The following AIG1 variants were observed in gnomAD, a reference collection of about 807,000 sequenced individuals.
AIG1 encodes androgen induced 1, also known as androgen-induced gene 1 protein.
AIG1 carries 23 observed loss-of-function variants against 31.4 expected under a neutral mutation model. The observed-to-expected ratio is 0.73, with a 90% CI of 0.53 to 1.04. AIG1 has a LOEUF of 1.04. Among genes scored for constraint, AIG1 ranks in the 50% least tolerant of loss-of-function variants. The pLI is 0.00. For missense variants in AIG1, 274 were observed against 295.0 expected (o/e 0.93, Z 0.52); for synonymous variants, 100 against 110.5 (o/e 0.90, Z 0.60).
At chr6:143,136,387 ATTCAGACAGTCCTCACCCTTTTGT>A (rs1400284615) in intron 1 of AIG1, among the ~76,000 whole-genome samples, 2 of 152,194 alleles carry the variant, frequency 1.3e-5, no homozygotes, top group African/African-American at 2.4e-5. Context: ...TTGTCTTGTT[ATTCAGACAGTCCTCACCCTTTTGT>A]TTTCACTTCT....
chr6:143,276,562 C>A (rs954877722), intron 3 of AIG1, among the ~76,000 whole-genome samples: 3 of 152,120 alleles, frequency 2.0e-5, no homozygotes, highest in African/African-American at 7.2e-5. Flanking sequence ...AGATTCTATG[C>A]CATGCTGATA....
At chr6:143,283,636 G>C (rs1797497098) in intron 3 of AIG1, among the ~76,000 whole-genome samples, 1 of 152,178 alleles carries the variant, frequency 6.6e-6, no homozygotes, top group Non-Finnish European at 1.5e-5. Flanking sequence ...CTATGGTCAA[G>C]ACCGATGTTC....
intron 2 of AIG1, among the ~76,000 whole-genome samples, chr6:143,138,827 A>C (rs1784000003): frequency 6.8e-6 from 1 of 147,660 alleles, no homozygotes; most frequent in African/African-American, 2.5e-5. Flanking sequence ...TGGGAGGTGG[A>C]GGTTGCAGTG....
downstream of AIG1, chr6:143,342,551 A>AT (rs1318272508): frequency 9.2e-6 from 8 of 868,514 alleles, no homozygotes; most frequent in African/African-American, 3.3e-5. Context: ...TAAAACCTTT[A>AT]TTTTTTTACT....
At chr6:143,283,993 T>G (rs1195298000) in intron 3 of AIG1, 117 bp from the exon 4 acceptor site, 1 of 641,468 alleles carries the variant, frequency 1.6e-6, no homozygotes, top group Non-Finnish European at 2.6e-6. Context: ...GCCATAGACT[T>G]CTTTCTGCCT....
At chr6:143,202,363 G>T (rs754306586) in intron 3 of AIG1, among the ~76,000 whole-genome samples, 5 of 152,020 alleles carry the variant, frequency 3.3e-5, no homozygotes, top group Non-Finnish European at 7.4e-5. Context: ...AAAAAAACAG[G>T]CAGATTCTTG....
At chr6:143,313,810 A>T (rs1775508574) in intron 4 of AIG1, among the ~76,000 whole-genome samples, 1 of 152,128 alleles carries the variant, frequency 6.6e-6, no homozygotes, top group Non-Finnish European at 1.5e-5. Flanking sequence ...GTACCCCATA[A>T]ATATATACAC....
At chr6:143,269,992 T>G (rs1796399354) in intron 3 of AIG1, among the ~76,000 whole-genome samples, 1 of 152,056 alleles carries the variant, frequency 6.6e-6, no homozygotes, top group Admixed American at 6.6e-5. Context: ...AAACTCAGAG[T>G]TTATATAGTG....
At chr6:143,247,321 G>A (rs1243189505) in intron 3 of AIG1, among the ~76,000 whole-genome samples, 3 of 152,164 alleles carry the variant, frequency 2.0e-5, no homozygotes, top group Non-Finnish European at 2.9e-5. Context: ...TAGTAGAGAC[G>A]GGGCTTCCCC....
At chr6:143,187,340 A>T (rs1246736801) in intron 3 of AIG1, 4 of 1,439,322 alleles carry the variant, frequency 2.8e-6, no homozygotes, top group Non-Finnish European at 3.8e-6. Context: ...CAGACCACAG[A>T]TATTTTGCTG....
intron 3 of AIG1, among the ~76,000 whole-genome samples, chr6:143,197,973 A>T (rs1331937796): frequency 1.6e-4 from 25 of 152,220 alleles, no homozygotes; most frequent in Admixed American, 1.6e-3. Flanking sequence ...TGTATACCCC[A>T]GGACTTTCCT....
At chr6:143,167,768 T>C (rs1180145857) in intron 3 of AIG1, among the ~76,000 whole-genome samples, 1 of 152,168 alleles carries the variant, frequency 6.6e-6, no homozygotes, top group Admixed American at 6.5e-5. Context: ...GATAAATTAG[T>C]TAATATGTCA....
chr6:143,200,410 C>T (rs1308410366), intron 3 of AIG1, among the ~76,000 whole-genome samples: 1 of 152,086 alleles, frequency 6.6e-6, no homozygotes, highest in African/African-American at 2.4e-5. Context: ...TCCCTGCCCA[C>T]CCCCACTACT....
At chr6:143,119,390 C>T (rs1485507348) in intron 1 of AIG1, among the ~76,000 whole-genome samples, 1 of 152,058 alleles carries the variant, frequency 6.6e-6, no homozygotes, top group Non-Finnish European at 1.5e-5. Context: ...TGGGGTGATA[C>T]TTGGGTAGGG....
intron 2 of AIG1, among the ~76,000 whole-genome samples, chr6:143,143,536 T>A (rs1373749680): frequency 1.7e-4 from 19 of 108,712 alleles, no homozygotes; most frequent in East Asian, 1.5e-3. Context: ...AAAATATATA[T>A]ATATATATAT....
At chr6:143,213,359 A>G (rs1791737612) in intron 3 of AIG1, among the ~76,000 whole-genome samples, 1 of 152,108 alleles carries the variant, frequency 6.6e-6, no homozygotes, top group South Asian at 2.1e-4. Flanking sequence ...ACAGGCAAGG[A>G]AGCTGACAAT....
chr6:143,255,702 A>G (rs1338681049), intron 3 of AIG1, among the ~76,000 whole-genome samples: 1 of 152,188 alleles, frequency 6.6e-6, no homozygotes, highest in African/African-American at 2.4e-5. Context: ...TGTATATGAG[A>G]GTATATGCCT....
intron 1 of AIG1, among the ~76,000 whole-genome samples, chr6:143,124,871 T>C (rs1782562305): frequency 6.6e-6 from 1 of 152,022 alleles, no homozygotes; most frequent in African/African-American, 2.4e-5. Context: ...ATGATCCAAT[T>C]ACCTCCACCT....
At chr6:143,154,841 TTTG>T (rs1437328656) in intron 2 of AIG1, among the ~76,000 whole-genome samples, 2 of 152,120 alleles carry the variant, frequency 1.3e-5, no homozygotes, top group African/African-American at 4.8e-5. Context: ...TTTGTTTTGT[TTTG>T]TTGTTGTTCT....
Sources: allele counts gnomAD v4.1 joint callset (sites outside exome capture counted in the v4.1 genomes callset), GRCh38; gene constraint gnomAD v4.1.1; transcripts MANE v1.5; gene names NCBI Gene and HGNC (gene_info 2026-07-23, HGNC 2026-07-21).